The following LTA4H variants were observed in gnomAD, a reference collection of about 807,000 sequenced individuals.
The protein encoded by LTA4H is leukotriene A4 hydrolase, also known as leukotriene A-4 hydrolase.
A neutral mutation model predicts 89.8 loss-of-function variants in LTA4H; 59 were observed. That is an observed-to-expected ratio of 0.66 (90% CI 0.53 to 0.82). The LOEUF is 0.82. Ranked by LOEUF, LTA4H falls within the 40% of genes least tolerant of loss-of-function variation. The pLI is 0.00. For missense variants in LTA4H, 617 were observed against 727.0 expected, an observed-to-expected ratio of 0.85 and a Z score of 1.74; for synonymous variants, 227 against 253.1, an observed-to-expected ratio of 0.90 and a Z score of 0.98.
At chr12:96,013,887 G>C (rs1950340387) in intron 12 of LTA4H, 34 bp from the exon 13 acceptor site, 2 of 956,684 alleles carry the variant, frequency 2.1e-6, no homozygotes, top group Non-Finnish European at 3.3e-6. Context: ...TCAATTCATA[G>C]AAAGGTAATT....
intron 1 of LTA4H, among the ~76,000 whole-genome samples, chr12:96,040,613 C>G (rs1278292270): frequency 6.6e-6 from 1 of 152,162 alleles, no homozygotes; most frequent in African/African-American, 2.4e-5. Context: ...GCTCTGACTA[C>G]CATGTTGTAT....
chr12:96,037,692 CT>C (rs1205832896), upstream of LTA4H, among the ~76,000 whole-genome samples: 1,136 of 114,144 alleles, frequency 1.0e-2, 15 homozygotes, highest in African/African-American at 0.036. Context: ...ATTGAGAAAG[CT>C]TTTTTTTTTT....
chr12:96,013,068 A>G (rs1317571523), intron 14 of LTA4H, 120 bp downstream of exon 14: 4 of 762,754 alleles, frequency 5.2e-6, no homozygotes, highest in Non-Finnish European at 9.0e-6. Flanking sequence ...ACACCTAAGA[A>G]CTCTGCTTTC....
chr12:96,027,182 T>TA (rs1317307914), intron 3 of LTA4H, among the ~76,000 whole-genome samples: 2 of 152,220 alleles, frequency 1.3e-5, no homozygotes, highest in South Asian at 2.1e-4. Context: ...TGCTAAGTTC[T>TA]AAGTCAGGCC....
upstream of LTA4H, among the ~76,000 whole-genome samples, chr12:96,037,403 G>A (rs1270388591): frequency 6.6e-6 from 1 of 152,148 alleles, no homozygotes; most frequent in Non-Finnish European, 1.5e-5. Flanking sequence ...GCTAGAGGAA[G>A]AGAAACCCAT....
chr12:96,015,095 A>T (rs1950357366), intron 11 of LTA4H, 96 bp from the exon 12 acceptor site: 1 of 1,133,984 alleles, frequency 8.8e-7, no homozygotes, highest in East Asian at 2.4e-5. Context: ...TCAGTGGTGT[A>T]ACTTTAGGGG....
chr12:96,039,812 T>C (rs977739114), upstream of LTA4H, among the ~76,000 whole-genome samples: 1 of 152,246 alleles, frequency 6.6e-6, no homozygotes, highest in South Asian at 2.1e-4. Context: ...CCTTTACATA[T>C]ACCTTTCCTT....
chr12:96,009,212 G>A, intron 14 of LTA4H, 64 bp from the exon 15 acceptor site: 1 of 1,079,248 alleles, frequency 9.3e-7, no homozygotes, highest in East Asian at 2.4e-5. Flanking sequence ...CAGTTTTAAA[G>A]CTACAGTACA....
chr12:96,037,541 T>C (rs1950658478), upstream of LTA4H, among the ~76,000 whole-genome samples: 1 of 151,982 alleles, frequency 6.6e-6, no homozygotes, highest in South Asian at 2.1e-4. Context: ...TTGTTGACTG[T>C]CGTGATTTGG....
chr12:96,003,195 G>T, intron 17 of LTA4H, 131 bp from the exon 18 acceptor site: 1 of 555,658 alleles, frequency 1.8e-6, no homozygotes, highest in Non-Finnish European at 3.2e-6. Context: ...ACCACTTTAT[G>T]GTATGTCTTG....
At chr12:96,026,442 T>C (rs970848320) in intron 3 of LTA4H, among the ~76,000 whole-genome samples, 1 of 152,234 alleles carries the variant, frequency 6.6e-6, no homozygotes, top group Non-Finnish European at 1.5e-5. Flanking sequence ...TCATAAATCT[T>C]GCATTTCTTG....
At chr12:96,005,265 C>T (rs1950179748) in intron 16 of LTA4H, among the ~76,000 whole-genome samples, 1 of 152,116 alleles carries the variant, frequency 6.6e-6, no homozygotes, top group Admixed American at 6.6e-5. Flanking sequence ...TAAACTCTTT[C>T]TCACGTCCTG....
chr12:96,018,799 C>A lies in LTA4H; in HGVS notation c.816G>T (p.Glu272Asp). Residue 272 changes from glutamate (E) to aspartate (D), a missense_variant, in exon 8 of 19, where the codon GAG (glutamate) becomes GAT (aspartate). Physicochemically the swap from Glu to Asp is conservative, Grantham distance 45 (BLOSUM62 2). Transcript: ENST00000228740. ...LPPSFPYGGM[E>D]NPCLTFVTPT... ...GAGTTACAAAAGTAAGGCAAGGATT[C>A]TCCATGCCACCATAAGGGAAGGATG... is the stretch of plus-strand genomic sequence containing the variant. 1.3e-6 allele frequency: 2 copies of A among 1,597,064 alleles called. No homozygotes were observed.
At position 96,022,497 on chromosome 12, in the gene LTA4H, GTATA is replaced by G. The variant is rs751638864; in HGVS notation, c.481-250_481-247del. On this transcript the variant is annotated intron_variant, in intron 4 of 18. Transcript: ENST00000228740. This position sits in a 1 kb window ranked among gnomAD's most constrained non-coding sequence, Gnocchi z 4.0. ...TATATATAAAACACATATACAAAAA[GTATA>G]TATATACACATATACATATCAGTTT... Among the ~76,000 whole-genome samples the G allele has an allele frequency of 5.4e-4, 82 of 151,504 alleles. 1 individual carries two copies. Among genetic ancestry groups the G allele is most frequent in the Middle Eastern group, 6.8e-3 (2 of 292 alleles).
rs1160778227 is a variant in LTA4H at position 96,002,974 on chromosome 12, G to A, written c.1704C>T (p.Thr568=). The A allele has an allele frequency of 6.3e-7, 1 of 1,598,862 alleles. No homozygotes were observed. The highest frequency in any genetic ancestry group is 1.3e-5 in the African/African-American group (1 of 74,934). ...MATEQGRMKF[T]RPLFKDLAAF... Reference sequence around the variant, plus strand: ...TGGGTTCTTACTTGAATAAGGGCCGGGTAAACTTCATTCTTCCTTGTTCAG... The same window carrying A: ...TGGGTTCTTACTTGAATAAGGGCCGAGTAAACTTCATTCTTCCTTGTTCAG... Residue 568 remains threonine (T), a synonymous_variant, in exon 18 of 19, where the codon ACC becomes ACT. Coordinates refer to ENST00000228740, the MANE Select transcript of LTA4H (RefSeq NM_000895.3).
intron 8 of LTA4H, among the ~76,000 whole-genome samples, chr12:96,018,431 C>T (rs1439435171): frequency 6.6e-6 from 1 of 152,118 alleles, no homozygotes; most frequent in Non-Finnish European, 1.5e-5. Context: ...CACCTATAGT[C>T]CCAGCTACTC....
At chr12:96,021,211 T>G in intron 5 of LTA4H, 74 bp from the exon 6 acceptor site, 1 of 1,134,894 alleles carries the variant, frequency 8.8e-7, no homozygotes, top group Non-Finnish European at 1.2e-6. Flanking sequence ...AGACAATTCA[T>G]ATTTAAAAGT....
intron 14 of LTA4H, 79 bp downstream of exon 14, chr12:96,013,109 A>G (rs111689968): frequency 2.4e-5 from 27 of 1,123,034 alleles, no homozygotes; most frequent in African/African-American, 2.0e-4. Flanking sequence ...TCAGGAAGGC[A>G]TACTATTCTT....
chr12:96,022,786 C>T lies in LTA4H; in HGVS notation c.481-535G>A, dbSNP rs1950469126. Among the ~76,000 whole-genome samples the T allele has an allele frequency of 6.6e-6, 1 of 152,138 alleles. No individual in the cohort carries two copies. The highest frequency in any genetic ancestry group is 6.5e-5 in the Admixed American group (1 of 15,270). On this transcript the variant is annotated intron_variant, in intron 4 of 18. Transcript: ENST00000228740. The surrounding 1 kb of genome is among the most constrained non-coding windows in gnomAD (Gnocchi z 4.0). The stretch of plus-strand genomic sequence containing the variant: ...ATATAAGTGAAGAGCCCAGCACCAT[C>T]CCTGGCAATGGCAGCCACCATCCCT...
Sources: allele counts gnomAD v4.1 joint callset (sites outside exome capture counted in the v4.1 genomes callset), GRCh38; gene constraint gnomAD v4.1.1; non-coding constraint Gnocchi (gnomAD v3.1); transcripts MANE v1.5; gene names NCBI Gene and HGNC (gene_info 2026-07-23, HGNC 2026-07-21).